CNTN3: variants seen among roughly 807,000 people sequenced by gnomAD.
The protein encoded by CNTN3 is contactin-3.
CNTN3 carries 60 observed loss-of-function variants against 119.1 expected under a neutral mutation model. The ratio of observed to expected loss-of-function variants is 0.50; its 90% CI spans 0.41 to 0.62. CNTN3 has a LOEUF of 0.62. Among genes scored for constraint, CNTN3 ranks in the 20% least tolerant of loss-of-function variants. The pLI, the probability that CNTN3 is intolerant of heterozygous loss-of-function variation, is 0.00. For synonymous variants in CNTN3, 450 were observed against 438.7 expected, an observed-to-expected ratio of 1.03 and a Z score of -0.32; for missense variants, 1,101 against 1,242.4, an observed-to-expected ratio of 0.89 and a Z score of 1.71.
chr3:74,424,076 C>T (rs1029637006), intron 5 of CNTN3, among the ~76,000 whole-genome samples: 2 of 152,144 alleles, frequency 1.3e-5, no homozygotes, highest in African/African-American at 4.8e-5. Flanking sequence ...TTCTCATCCT[C>T]TCAATAACAA....
chr3:74,403,007 C>T (rs994643788), intron 5 of CNTN3, among the ~76,000 whole-genome samples: 1 of 152,114 alleles, frequency 6.6e-6, no homozygotes, highest in South Asian at 2.1e-4. Context: ...AAATGAGAGG[C>T]ATTGTGAGGT....
intron 1 of CNTN3, among the ~76,000 whole-genome samples, chr3:74,537,128 T>C (rs566646118): frequency 6.6e-6 from 1 of 152,100 alleles, no homozygotes; most frequent in Non-Finnish European, 1.5e-5. Context: ...ATAACATTAA[T>C]AACAACAAGA....
chr3:74,285,837 AT>A lies in CNTN3; in HGVS notation c.2518-347del, dbSNP rs1351416323. 8.0e-4 allele frequency among the ~76,000 whole-genome samples: 108 copies of A among 135,386 alleles called. 1 individual carries two copies. The highest frequency in any genetic ancestry group is 2.1e-3 in the African/African-American group (77 of 37,072). The allele number at this position is 135,386 out of a possible 152,430, so 88.8% of individuals were successfully genotyped here. A position where few individuals can be genotyped will look rare whatever the true frequency, so the allele number is the denominator to read the frequency against. On this transcript the variant is annotated intron_variant, in intron 19 of 22. Coordinates refer to ENST00000263665, the MANE Select transcript of CNTN3 (RefSeq NM_020872.3). ...TATATATATATATATATATATATAT[AT>A]AAAATTAAAAATAGGAACAAAGTGT...
intron 20 of CNTN3, 103 bp downstream of exon 20, chr3:74,285,201 GT>G (rs768671277): frequency 1.1e-5 from 14 of 1,227,228 alleles, no homozygotes; most frequent in East Asian, 2.4e-5. Flanking sequence ...ATATAATCTA[GT>G]GAGATTAATG....
At chr3:74,431,472 T>C (rs1294473557) in intron 4 of CNTN3, among the ~76,000 whole-genome samples, 1 of 152,142 alleles carries the variant, frequency 6.6e-6, no homozygotes, top group Admixed American at 6.5e-5. Context: ...ACAAGTAAAT[T>C]TGAGTAAACT....
chr3:74,271,990 C>T (rs541653), intron 20 of CNTN3, among the ~76,000 whole-genome samples: 82,240 of 151,924 alleles, frequency 0.54, 23,566 homozygotes, highest in East Asian at 0.8. Context: ...TGGTTTTCGA[C>T]GTCTAGGAAT....
intron 1 of CNTN3, among the ~76,000 whole-genome samples, chr3:74,559,672 G>A (rs945443598): frequency 1.3e-5 from 2 of 151,772 alleles, no homozygotes; most frequent in Non-Finnish European, 2.9e-5. Context: ...TGCTCAAAGG[G>A]GGAAAAAGGA....
At chr3:74,566,837 G>T (rs748411201) in intron 1 of CNTN3, among the ~76,000 whole-genome samples, 1 of 152,174 alleles carries the variant, frequency 6.6e-6, no homozygotes, top group Non-Finnish European at 1.5e-5. Flanking sequence ...CTCAAGAAAA[G>T]CTGTGGCATT....
At position 74,267,372 on chromosome 3, in the gene CNTN3, C is replaced by T. The variant is rs1701681418; in HGVS notation, c.2711G>A (p.Ser904Asn). ...CCAAACAACATTTCCTGGTGGCTGA[C>T]TGGGAGCTTGAAATGCAAAATGAGA... ...VNVTTKKTPPSQPPGNVVWNA... is the reference protein window; with the variant it reads ...VNVTTKKTPPNQPPGNVVWNA... Residue 904 changes from serine (S) to asparagine (N), a missense_variant, in exon 21 of 23, where the codon AGT becomes AAT. Coordinates refer to ENST00000263665, the MANE Select transcript of CNTN3 (RefSeq NM_020872.3). The T allele has an allele frequency of 2.5e-6, 4 of 1,610,356 alleles. No homozygotes were observed. Among genetic ancestry groups the T allele is most frequent in the Non-Finnish European group, 3.4e-6 (4 of 1,177,020 alleles).
chr3:74,472,404 T>G (rs1393706253), intron 4 of CNTN3, among the ~76,000 whole-genome samples: 1 of 152,180 alleles, frequency 6.6e-6, no homozygotes, highest in Non-Finnish European at 1.5e-5. Context: ...TTAAGTTACC[T>G]GTCAATGGAA....
At chr3:74,361,067 G>T (rs1489148731) in intron 11 of CNTN3, among the ~76,000 whole-genome samples, 1 of 152,008 alleles carries the variant, frequency 6.6e-6, no homozygotes, top group Non-Finnish European at 1.5e-5. Context: ...CAATTATTCT[G>T]CTTATCACAA....
chr3:74,422,356 G>A (rs1359309660), intron 5 of CNTN3, among the ~76,000 whole-genome samples: 3 of 152,160 alleles, frequency 2.0e-5, no homozygotes, highest in Admixed American at 2.0e-4. Context: ...TGACATCTGG[G>A]AAGATTTCTT....
At chr3:74,482,056 C>T (rs12714809) in intron 4 of CNTN3, among the ~76,000 whole-genome samples, 148,161 of 151,872 alleles carry the variant, frequency 0.98, 72,369 homozygotes, top group East Asian at 1. Context: ...GCCTAAGTTA[C>T]ATACTTTTTT....
At chr3:74,460,921 C>T (rs779353406) in intron 4 of CNTN3, among the ~76,000 whole-genome samples, 13 of 149,574 alleles carry the variant, frequency 8.7e-5, no homozygotes, top group Non-Finnish European at 1.8e-4. Flanking sequence ...GCCTTATTTC[C>T]AGTCTTATTA....
chr3:74,334,942 C>A (rs752372433), intron 12 of CNTN3, 32 bp from the exon 13 acceptor site: 10 of 1,563,146 alleles, frequency 6.4e-6, no homozygotes, highest in Non-Finnish European at 7.9e-6. Context: ...AGAAAAACAG[C>A]ATTTTATTGT....
chr3:74,292,412 A>T (rs565671320), intron 19 of CNTN3, among the ~76,000 whole-genome samples: 3 of 152,136 alleles, frequency 2.0e-5, no homozygotes, highest in Non-Finnish European at 2.9e-5. Context: ...TAAAAAATAC[A>T]AAAGTTAGCT....
At chr3:74,393,527 C>A (rs934485702) in intron 5 of CNTN3, among the ~76,000 whole-genome samples, 1 of 152,162 alleles carries the variant, frequency 6.6e-6, no homozygotes, top group African/African-American at 2.4e-5. Context: ...TATTAGGGAG[C>A]TAACACTTAA....
chr3:74,586,284 A>G (rs942508322), intron 1 of CNTN3, among the ~76,000 whole-genome samples: 28 of 152,084 alleles, frequency 1.8e-4, no homozygotes, highest in Admixed American at 1.8e-3. Context: ...ATATTTCATC[A>G]AAAAAATATA....
chr3:74,519,109 T>C (rs947884761), intron 2 of CNTN3, among the ~76,000 whole-genome samples: 1 of 151,792 alleles, frequency 6.6e-6, no homozygotes, highest in African/African-American at 2.4e-5. Flanking sequence ...CCTTTCTAAT[T>C]CCCTAAAGAG....
Sources: gnomAD v4.1 joint callset for allele counts (sites outside exome capture counted in the v4.1 genomes callset) on GRCh38, gnomAD v4.1.1 for gene constraint, MANE v1.5 for transcripts, NCBI Gene and HGNC (gene_info 2026-07-23, HGNC 2026-07-21) for gene names.